Variants in LPIN1 observed in about 807,000 individuals in gnomAD.
The protein encoded by LPIN1 is lipin 1, also known as phosphatidate phosphatase LPIN1.
In LPIN1, 71 loss-of-function variants were observed where a neutral mutation model predicts 107.5. The observed-to-expected ratio is 0.66, with a 90% CI of 0.55 to 0.80. The LOEUF (loss-of-function observed/expected upper bound fraction) is 0.80, where lower values mean the gene tolerates loss of function less well. Ranked by LOEUF, LPIN1 falls within the 30% of genes least tolerant of loss-of-function variation. LPIN1 has a pLI of 0.00. For missense variants in LPIN1, 1,043 were observed against 1,160.6 expected (o/e 0.90, Z 1.47); for synonymous variants, 445 against 452.6 (o/e 0.98, Z 0.21).
chr2:11,695,579 C>CT (rs1321086175), intron 1 of LPIN1, among the ~76,000 whole-genome samples: 1 of 152,218 alleles, frequency 6.6e-6, no homozygotes, highest in Admixed American at 6.5e-5. Context: ...ACTTCAGGTT[C>CT]TTTCCTCACA....
Position 11,771,674 on chromosome 2 carries a change from C to T in LPIN1, c.591C>T (p.Ser197=), listed in dbSNP as rs750587522. Residue 197 remains serine, a synonymous_variant, in exon 4 of 21, where the codon AGC becomes AGT. Transcript: ENST00000674199. This position sits in a 1 kb window ranked among gnomAD's most constrained non-coding sequence, Gnocchi z 4.8. ...SSDEAMELLE[S]SRTLPNDIPP... The stretch of plus-strand genomic sequence containing the variant: ...ATGAGGCCATGGAGCTGCTGGAGAG[C>T]AGCAGGTAATAACTGTCCAGGGTGG... 3 of 1,587,868 alleles carry T rather than the reference C, an allele frequency of 1.9e-6. No homozygotes were observed. Among genetic ancestry groups the T allele is most frequent in the African/African-American group, 1.3e-5 (1 of 74,768 alleles).
At chr2:11,715,757 C>G (rs1663693428) in intron 2 of LPIN1, among the ~76,000 whole-genome samples, 1 of 152,096 alleles carries the variant, frequency 6.6e-6, no homozygotes, top group African/African-American at 2.4e-5. Flanking sequence ...AGGTAAGAAA[C>G]AGCACAGTGT....
At chr2:11,695,211 G>A (rs942260120) in intron 1 of LPIN1, among the ~76,000 whole-genome samples, 4 of 152,170 alleles carry the variant, frequency 2.6e-5, no homozygotes, top group Non-Finnish European at 5.9e-5. Context: ...TTCACATGGT[G>A]GGCAGTTCAT....
At chr2:11,782,097 C>T in intron 7 of LPIN1, 104 bp from the exon 8 acceptor site, 1 of 886,866 alleles carries the variant, frequency 1.1e-6, no homozygotes, top group South Asian at 1.4e-5. Context: ...TTAAAAGTCC[C>T]TGCCTACTTT....
intron 1 of LPIN1, among the ~76,000 whole-genome samples, chr2:11,704,324 C>G (rs1663023260): frequency 6.6e-6 from 1 of 152,180 alleles, no homozygotes; most frequent in Admixed American, 6.5e-5. Context: ...GAAGCTTAAG[C>G]CTTCCATATT....
chr2:11,763,143 A>G (rs1005033866), intron 1 of LPIN1: 1 of 152,436 alleles, frequency 6.6e-6, no homozygotes, highest in African/African-American at 2.4e-5. Flanking sequence ...AAGAGGCTCC[A>G]GAGACTGGAC....
At chr2:11,715,319 G>A (rs1375132195) in intron 2 of LPIN1, among the ~76,000 whole-genome samples, 3 of 152,164 alleles carry the variant, frequency 2.0e-5, no homozygotes, top group Non-Finnish European at 2.9e-5. Context: ...AAGGCAATCC[G>A]CTGGCCTCCA....
chr2:11,729,332 A>G (rs1392341907), intron 1 of LPIN1, among the ~76,000 whole-genome samples: 1 of 152,144 alleles, frequency 6.6e-6, no homozygotes, highest in Non-Finnish European at 1.5e-5. Flanking sequence ...AAGTGGAAAA[A>G]AGTATAATTT....
Position 11,803,085 on chromosome 2 carries a change from C to T in LPIN1, c.2013+52C>T. On this transcript the variant is annotated intron_variant, in intron 15 of 20. Transcript: ENST00000674199. The surrounding 1 kb of genome is among the most constrained non-coding windows in gnomAD (Gnocchi z 4.2). ...GTGTTGTGAGCACATGAGGTTTCTG[C>T]AGACTCCTAAGGCTGTGTGATGGTT... is the stretch of plus-strand genomic sequence containing the variant. 1 of 1,609,154 alleles carries T rather than the reference C, an allele frequency of 6.2e-7. No individual in the cohort carries two copies. Among genetic ancestry groups the T allele is most frequent in the Non-Finnish European group, 8.5e-7 (1 of 1,179,270 alleles).
intron 20 of LPIN1, among the ~76,000 whole-genome samples, chr2:11,821,371 G>A (rs1001142194): frequency 6.6e-6 from 1 of 152,224 alleles, no homozygotes; most frequent in Non-Finnish European, 1.5e-5. Context: ...AGAAAAATTA[G>A]CCAGGTGTGG....
chr2:11,814,512 A>ATGTG (rs71394769), intron 17 of LPIN1, among the ~76,000 whole-genome samples: 12,527 of 138,418 alleles, frequency 0.091, 941 homozygotes, highest in East Asian at 0.29. Flanking sequence ...GTGTGTGTGC[A>ATGTG]TGTGTGTGTG....
chr2:11,788,101 G>A (rs774927833), intron 11 of LPIN1, among the ~76,000 whole-genome samples: 2 of 152,168 alleles, frequency 1.3e-5, no homozygotes, highest in Admixed American at 1.3e-4. Context: ...CAAGCACGTC[G>A]TGGTTTGGTG....
At chr2:11,700,120 G>A (rs1232681557) in intron 1 of LPIN1, among the ~76,000 whole-genome samples, 1 of 152,172 alleles carries the variant, frequency 6.6e-6, no homozygotes, top group Non-Finnish European at 1.5e-5. Flanking sequence ...GTCCCTGCAA[G>A]TGAGCCCAAT....
chr2:11,716,966 C>T (rs1235680639), intron 2 of LPIN1, among the ~76,000 whole-genome samples: 1 of 152,172 alleles, frequency 6.6e-6, no homozygotes, highest in Non-Finnish European at 1.5e-5. Flanking sequence ...TCTAGCTTAT[C>T]CTGGCCCAGT....
intron 2 of LPIN1, chr2:11,767,550 C>G: frequency 1.7e-6 from 1 of 596,942 alleles, no homozygotes; most frequent in Non-Finnish European, 3.0e-6. Context: ...TTCCATCTTT[C>G]CTGGTCAGGG....
intron 1 of LPIN1, among the ~76,000 whole-genome samples, chr2:11,732,783 T>G (rs1665368546): frequency 6.6e-6 from 1 of 152,208 alleles, no homozygotes. Context: ...CTCCCTAGTT[T>G]AAAAAGAACA....
At chr2:11,811,366 C>T (rs977563874) in intron 17 of LPIN1, among the ~76,000 whole-genome samples, 2 of 152,194 alleles carry the variant, frequency 1.3e-5, no homozygotes. Context: ...TTTGGTGGGG[C>T]ACTTGTTGGC....
chr2:11,724,500 GA>G lies in LPIN1; in HGVS notation c.-107del, dbSNP rs1323137361. 8.3e-5 allele frequency: 82 copies of G among 985,740 alleles called. No individual in the cohort carries two copies. In the African/African-American group the frequency reaches 1.4e-3, roughly 17 times the overall value. 61.1% of individuals were successfully genotyped at this position (985,740 alleles called of 1,614,324 possible). A position where few individuals can be genotyped will look rare whatever the true frequency, so the allele number is the denominator to read the frequency against. ...CAGTGGCCCAGCCTGCTGAGAACTA[GA>G]AAATCAGAAGAAAAAGGAGAATCCA... On this transcript the variant is annotated 5_prime_UTR_variant, in exon 1 of 22. Coordinates refer to the LPIN1 transcript ENST00000396097.
intron 1 of LPIN1, among the ~76,000 whole-genome samples, chr2:11,709,985 A>C (rs1251896921): frequency 6.6e-6 from 1 of 152,204 alleles, no homozygotes; most frequent in Non-Finnish European, 1.5e-5. Flanking sequence ...AGGAACTGTG[A>C]CCTGGGTCTT....
Sources: allele counts gnomAD v4.1 joint callset (sites outside exome capture counted in the v4.1 genomes callset), GRCh38; gene constraint gnomAD v4.1.1; non-coding constraint Gnocchi (gnomAD v3.1); transcripts MANE v1.5; gene names NCBI Gene and HGNC (gene_info 2026-07-23, HGNC 2026-07-21).